ITGA9: variants seen among roughly 807,000 people sequenced by gnomAD.
The protein encoded by ITGA9 is integrin alpha-9.
In ITGA9, 56 loss-of-function variants were observed where a neutral mutation model predicts 127.8. That is an observed-to-expected ratio of 0.44 (90% CI 0.35 to 0.55). The LOEUF (loss-of-function observed/expected upper bound fraction) is 0.55, where lower values mean the gene tolerates loss of function less well. Among genes scored for constraint, ITGA9 ranks in the 20% least tolerant of loss-of-function variants. The pLI is 0.00. For synonymous variants in ITGA9, 508 were observed against 514.5 expected (o/e 0.99, Z 0.17); for missense variants, 1,196 against 1,347.1 (o/e 0.89, Z 1.76).
rs1445420228 is a variant in ITGA9 at position 37,799,350 on chromosome 3, T to G, written c.2890-4473T>G. On this transcript the variant is annotated intron_variant, in intron 26 of 27. Transcript: ENST00000264741. The surrounding 1 kb of genome is among the most constrained non-coding windows in gnomAD (Gnocchi z 4.0). ...TACACCATCACACCTGGCTGATTTT[T>G]GTATTTTTAGTAGACACGAGGTTTC... Among the ~76,000 whole-genome samples, 1 of 152,116 alleles carries G rather than the reference T, an allele frequency of 6.6e-6. No individual in the cohort carries two copies. Among genetic ancestry groups the G allele is most frequent in the Non-Finnish European group, 1.5e-5 (1 of 68,026 alleles).
At chr3:37,773,959 A>C (rs368194905) in intron 23 of ITGA9, among the ~76,000 whole-genome samples, 14 of 152,210 alleles carry the variant, frequency 9.2e-5, no homozygotes, top group African/African-American at 2.9e-4. Context: ...ATTTTATCCA[A>C]GTGTGCATCT....
chr3:37,502,372 A>G (rs1221019918), intron 5 of ITGA9, among the ~76,000 whole-genome samples: 1 of 151,476 alleles, frequency 6.6e-6, no homozygotes. Context: ...GTGCCACTAC[A>G]CCTGGCTAAT....
chr3:37,575,034 G>A (rs1699639708), intron 15 of ITGA9, among the ~76,000 whole-genome samples: 1 of 152,134 alleles, frequency 6.6e-6, no homozygotes, highest in South Asian at 2.1e-4. Flanking sequence ...GTAATAGGGT[G>A]GGAGCAGCTA....
At chr3:37,462,975 G>T (rs548761978) in intron 1 of ITGA9, among the ~76,000 whole-genome samples, 1 of 152,156 alleles carries the variant, frequency 6.6e-6, no homozygotes, top group African/African-American at 2.4e-5. Flanking sequence ...GTGTGACTTC[G>T]GATACACTCT....
chr3:37,472,501 C>T (rs887666608), intron 2 of ITGA9, among the ~76,000 whole-genome samples: 11 of 152,062 alleles, frequency 7.2e-5, no homozygotes, highest in South Asian at 2.1e-4. Flanking sequence ...CAGGTTCAAG[C>T]GATTCTCCTG....
intron 17 of ITGA9, among the ~76,000 whole-genome samples, chr3:37,672,890 G>A (rs1310197864): frequency 6.7e-6 from 1 of 149,926 alleles, no homozygotes; most frequent in African/African-American, 2.4e-5. Context: ...TTCTTTTTTA[G>A]TATTTCTTGG....
At chr3:37,606,981 T>C (rs1487954632) in intron 15 of ITGA9, among the ~76,000 whole-genome samples, 1 of 150,346 alleles carries the variant, frequency 6.7e-6, no homozygotes, top group Non-Finnish European at 1.5e-5. Context: ...TTTTTTTTTT[T>C]TTTTTTTTTT....
chr3:37,650,215 G>A (rs1212983707), intron 16 of ITGA9, among the ~76,000 whole-genome samples: 3 of 152,128 alleles, frequency 2.0e-5, no homozygotes, highest in African/African-American at 7.2e-5. Context: ...AGTCTCAGAA[G>A]TCACATAGTG....
At chr3:37,762,405 A>G (rs1226359496) in intron 23 of ITGA9, among the ~76,000 whole-genome samples, 1 of 152,188 alleles carries the variant, frequency 6.6e-6, no homozygotes, top group African/African-American at 2.4e-5. Flanking sequence ...CATGACCACA[A>G]CCAGGTTTTA....
At position 37,803,856 on chromosome 3, in the gene ITGA9, C is replaced by T. The variant is rs1216054244; in HGVS notation, c.2923C>T (p.Arg975Cys). The change falls in exon 27 of 28, where the codon CGT (arginine) becomes TGT (cysteine). Residue 975 changes from arginine to cysteine, a missense_variant. Coordinates refer to ENST00000264741, the MANE Select transcript of ITGA9 (RefSeq NM_002207.3). ...VFEALHNLEP[R>C]GYVVGWIIAI... ...CGAGGCCCTGCACAATCTGGAGCCCCGTGGCTACGTCGTGGGGTGGATCAT... is the reference window on the plus strand; with the variant it reads ...CGAGGCCCTGCACAATCTGGAGCCCTGTGGCTACGTCGTGGGGTGGATCAT... The T allele has an allele frequency of 1.1e-5, 17 of 1,614,022 alleles. No homozygotes were observed. Among genetic ancestry groups the T allele is most frequent in the Admixed American group, 8.3e-5 (5 of 60,000 alleles).
intron 15 of ITGA9, among the ~76,000 whole-genome samples, chr3:37,606,093 CA>C (rs771039912): frequency 2.0e-5 from 3 of 152,188 alleles, no homozygotes; most frequent in African/African-American, 7.2e-5. Flanking sequence ...CCCTGTACCA[CA>C]ACATTGTTAG....
intron 7 of ITGA9, among the ~76,000 whole-genome samples, chr3:37,506,711 G>A (rs1221061673): frequency 1.3e-5 from 2 of 152,202 alleles, no homozygotes; most frequent in Admixed American, 6.5e-5. Context: ...AACTACGCTT[G>A]TTGGTTCTTT....
chr3:37,676,971 A>G (rs1461895065), intron 17 of ITGA9, among the ~76,000 whole-genome samples: 4 of 152,170 alleles, frequency 2.6e-5, no homozygotes, highest in Non-Finnish European at 4.4e-5. Context: ...GAGTTTTAGG[A>G]TCATTCTTTC....
At chr3:37,537,941 G>C (rs1438840444) in intron 14 of ITGA9, among the ~76,000 whole-genome samples, 1 of 152,212 alleles carries the variant, frequency 6.6e-6, no homozygotes, top group Non-Finnish European at 1.5e-5. Context: ...GAGCCTCCTG[G>C]CTAGCATAGG....
At chr3:37,770,085 A>G (rs1249641346) in intron 23 of ITGA9, among the ~76,000 whole-genome samples, 1 of 152,182 alleles carries the variant, frequency 6.6e-6, no homozygotes, top group Non-Finnish European at 1.5e-5. Flanking sequence ...GTTAAAGCTT[A>G]TCTGTCACAT....
intron 15 of ITGA9, among the ~76,000 whole-genome samples, chr3:37,571,837 C>A (rs933122806): frequency 6.6e-6 from 1 of 151,776 alleles, no homozygotes; most frequent in Non-Finnish European, 1.5e-5. Flanking sequence ...CCTTGTCCAT[C>A]GTGTCTCACC....
intron 15 of ITGA9, among the ~76,000 whole-genome samples, chr3:37,563,790 G>C (rs981490129): frequency 1.3e-5 from 2 of 152,114 alleles, no homozygotes; most frequent in African/African-American, 4.8e-5. Context: ...ACTGGGTGTG[G>C]CTTGGTTTCT....
chr3:37,648,390 G>A (rs1198550577), intron 16 of ITGA9, among the ~76,000 whole-genome samples: 2 of 152,162 alleles, frequency 1.3e-5, no homozygotes, highest in South Asian at 2.1e-4. Context: ...TTGGGAGGCT[G>A]AAGCAGGAAG....
At chr3:37,693,863 T>G (rs1252160987) in intron 18 of ITGA9, among the ~76,000 whole-genome samples, 4 of 152,210 alleles carry the variant, frequency 2.6e-5, no homozygotes, top group African/African-American at 9.7e-5. Context: ...ATTTTCATTG[T>G]GTTCTGCTTT....
Sources: allele counts gnomAD v4.1 joint callset (sites outside exome capture counted in the v4.1 genomes callset), GRCh38; gene constraint gnomAD v4.1.1; non-coding constraint Gnocchi (gnomAD v3.1); transcripts MANE v1.5; gene names NCBI Gene and HGNC (gene_info 2026-07-23, HGNC 2026-07-21).